The following TRIO variants were observed in gnomAD, a reference collection of about 807,000 sequenced individuals.
The protein encoded by TRIO is trio Rho guanine nucleotide exchange factor.
Under a neutral mutation model 351.9 loss-of-function variants are expected in TRIO, and 58 were observed. That is an observed-to-expected ratio of 0.16 (90% confidence interval 0.13 to 0.21). The LOEUF is 0.21. Among genes scored for constraint, TRIO ranks in the 10% least tolerant of loss-of-function variants. The probability of loss-of-function intolerance (pLI) is 1.00; values close to 1 mark genes in which losing one functional copy is unlikely to be tolerated. For synonymous variants in TRIO, 1,758 were observed against 1,595.7 expected, an observed-to-expected ratio of 1.10 and a Z score of -2.42; for missense variants, 3,201 against 4,027.8, an observed-to-expected ratio of 0.79 and a Z score of 5.56.
intron 1 of TRIO, among the ~76,000 whole-genome samples, chr5:14,257,283 T>C (rs982460007): frequency 3.9e-5 from 6 of 152,216 alleles, no homozygotes; most frequent in Non-Finnish European, 1.5e-5. Flanking sequence ...CAAAGCGTTG[T>C]GATAGCATTC....
chr5:14,340,047 GTTC>G (rs1258379396), intron 11 of TRIO, among the ~76,000 whole-genome samples: 1 of 152,206 alleles, frequency 6.6e-6, no homozygotes, highest in Non-Finnish European at 1.5e-5. Flanking sequence ...GTCTGAGTCT[GTTC>G]TTCTTAAGCA....
chr5:14,496,928 A>G lies in TRIO; in HGVS notation c.7930A>G (p.Lys2644Glu). The change falls in exon 50 of 57, where the codon AAA becomes GAA. Residue 2644 changes from lysine (K) to glutamate (E), a missense_variant. Transcript: ENST00000344204. ...TALRLRKKSE[K>E]KDKDGKREGK... ...ACTCCGTTTAAGGAAAAAATCTGAG[A>G]AAAAAGATAAAGACGGCAAAAGGGA... 6.2e-7 allele frequency: 1 copy of G among 1,614,218 alleles called. No individual in the cohort carries two copies.
chr5:14,421,522 T>C (rs975107807), intron 34 of TRIO, among the ~76,000 whole-genome samples: 2 of 149,474 alleles, frequency 1.3e-5, no homozygotes, highest in African/African-American at 5.0e-5. Context: ...GAAAATCGCT[T>C]GGACCCAGGA....
In TRIO at chr5:14,390,880, CTTTTTTT is replaced by C; in HGVS notation, c.4129-16_4129-10del. The C allele has an allele frequency of 8.3e-7, 1 of 1,203,914 alleles. No individual in the cohort carries two copies. The highest frequency in any genetic ancestry group is 1.1e-6 in the Non-Finnish European group (1 of 875,436). 74.6% of individuals were successfully genotyped at this position (1,203,914 alleles called of 1,614,324 possible). On this transcript the variant is annotated splice_polypyrimidine_tract_variant and intron_variant, in intron 26 of 56. Coordinates refer to ENST00000344204, the MANE Select transcript of TRIO (RefSeq NM_007118.4). ...TGACTTGTTATGATTTAAATGAGAT[CTTTTTTT>C]TTTTGGCTTACAGGCAGACAAGTTT...
In TRIO at chr5:14,481,189, G is replaced by A. The variant is rs986482977; in HGVS notation, c.6337-45G>A. On this transcript the variant is annotated intron_variant, in intron 43 of 56. Transcript: ENST00000344204. ...AAAAAAAAATAAAAGGTCAGCTGCT[G>A]TTGTCTTTGTCACCATTATCATGTC... The A allele has an allele frequency of 3.8e-6, 6 of 1,578,848 alleles. No individual in the cohort carries two copies. In the African/African-American group the frequency reaches 4.1e-5, roughly 11 times the overall value.
intron 2 of TRIO, among the ~76,000 whole-genome samples, chr5:14,274,058 A>G (rs1258643164): frequency 6.6e-6 from 1 of 152,204 alleles, no homozygotes; most frequent in East Asian, 1.9e-4. Context: ...TGTAAATGTT[A>G]TAAAAAACCG....
chr5:14,508,846 C>A lies in TRIO; in HGVS notation c.*424C>A. On this transcript the variant is annotated 3_prime_UTR_variant, in exon 57 of 57. Coordinates refer to ENST00000344204, the MANE Select transcript of TRIO (RefSeq NM_007118.4). ...GACGCACCTAGGTGGCGGCCACTCC[C>A]ATGGCCTTGTCTAGGACTCAGAGAC... The A allele has an allele frequency of 5.7e-6, 1 of 176,658 alleles. No individual in the cohort carries two copies. The allele number at this position is 176,658 out of a possible 1,614,324, so 10.9% of individuals were successfully genotyped here. A position where few individuals can be genotyped will look rare whatever the true frequency, so the allele number is the denominator to read the frequency against.
At chr5:14,366,446 G>A (rs1336437218) in intron 15 of TRIO, among the ~76,000 whole-genome samples, 2 of 152,112 alleles carry the variant, frequency 1.3e-5, no homozygotes, top group Non-Finnish European at 2.9e-5. Context: ...AAATAAATTA[G>A]TTCCCCCTTT....
chr5:14,358,214 C>G lies in TRIO; in HGVS notation c.2083C>G (p.Leu695Val). 1 of 1,613,904 alleles carries G rather than the reference C, an allele frequency of 6.2e-7. No individual in the cohort carries two copies. The highest frequency in any genetic ancestry group is 8.5e-7 in the Non-Finnish European group (1 of 1,179,796). ...GCTGGAGGAGCTGCAGAAGGAGCTG[C>G]TGGACGACGTGTATGCCGAGTCGGT... ...TWLEELQKEL[L>V]DDVYAESVEA... Residue 695 changes from leucine (L) to valine (V), a missense_variant, in exon 12 of 57, where the codon CTG becomes GTG. Leu to Val is a conservative substitution (Grantham distance 32). Around this residue, in one of 19 missense-constraint regions of TRIO, gnomAD observed 363 missense variants for 553.5 expected, o/e 0.66. Coordinates refer to ENST00000344204, the MANE Select transcript of TRIO (RefSeq NM_007118.4).
chr5:14,420,088 C>T (rs113265968), intron 34 of TRIO, 67 bp downstream of exon 34: 36 of 1,566,516 alleles, frequency 2.3e-5, no homozygotes, highest in African/African-American at 1.2e-4. Flanking sequence ...TCTGTCTCCG[C>T]GCCTCTCCTG....
At position 14,369,614 on chromosome 5, in the gene TRIO, G is replaced by A. The variant is rs916317219; in HGVS notation, c.3216+91G>A. The A allele has an allele frequency of 2.8e-6, 4 of 1,440,146 alleles. No individual in the cohort carries two copies. In the East Asian group the frequency reaches 7.4e-5, roughly 27 times the overall value. 89.2% of individuals were successfully genotyped at this position (1,440,146 alleles called of 1,614,324 possible). A position where few individuals can be genotyped will look rare whatever the true frequency, so the allele number is the denominator to read the frequency against. On this transcript the variant is annotated intron_variant, in intron 18 of 56. Transcript: ENST00000344204. ...CAGTCATCGCTTCCCAAGGGAGCCT[G>A]CCCCACACCTCTTGCCTGCTGTGGA...
intron 8 of TRIO, among the ~76,000 whole-genome samples, chr5:14,308,086 T>C (rs1738532164): frequency 1.3e-5 from 2 of 152,174 alleles, no homozygotes; most frequent in African/African-American, 4.8e-5. Context: ...TCTCACTAAG[T>C]GGGATGGTTC....
At position 14,487,501 on chromosome 5, in the gene TRIO, C is replaced by A. The variant is rs1457273476; in HGVS notation, c.6873C>A (p.Ser2291Arg). 2.9e-5 allele frequency: 29 copies of A among 1,014,254 alleles called. No homozygotes were observed. The highest frequency in any genetic ancestry group is 3.5e-5 in the Non-Finnish European group (29 of 818,742). The allele number at this position is 1,014,254 out of a possible 1,614,324, so 62.8% of individuals were successfully genotyped here. Reference protein sequence around the residue: ...TSPIEYQRNHSGGGGGGGSGG... With the variant: ...TSPIEYQRNHRGGGGGGGSGG... ...CAATCGAGTACCAGAGGAACCACAGCGGGGGCGGCGGCGGCGGCGGCAGCG... is the reference window on the plus strand; with the variant it reads ...CAATCGAGTACCAGAGGAACCACAGAGGGGGCGGCGGCGGCGGCGGCAGCG... Residue 2291 changes from serine to arginine, a missense_variant, in exon 48 of 57, where the codon AGC (serine) becomes AGA (arginine). Physicochemically the swap from Ser to Arg is moderately radical, Grantham distance 110. Coordinates refer to ENST00000344204, the MANE Select transcript of TRIO (RefSeq NM_007118.4).
intron 34 of TRIO, 32 bp downstream of exon 34, chr5:14,420,053 C>T: frequency 1.2e-6 from 2 of 1,600,464 alleles, no homozygotes; most frequent in Non-Finnish European, 1.7e-6. Flanking sequence ...GTGGCAGACC[C>T]CTACTGGAAG....
intron 53 of TRIO, 49 bp downstream of exon 53, chr5:14,498,689 T>C (rs762900993): frequency 3.6e-5 from 58 of 1,595,622 alleles, no homozygotes; most frequent in Non-Finnish European, 4.4e-5. Flanking sequence ...GGGCACGTCT[T>C]TCAGGAGTCT....
chr5:14,466,954 A>G (rs1754306742), intron 37 of TRIO, among the ~76,000 whole-genome samples: 1 of 152,196 alleles, frequency 6.6e-6, no homozygotes, highest in African/African-American at 2.4e-5. Context: ...GCGCTGTTCT[A>G]AGTGCTGAGC....
chr5:14,368,235 A>G (rs1212099760), intron 16 of TRIO, among the ~76,000 whole-genome samples: 2 of 152,206 alleles, frequency 1.3e-5, no homozygotes, highest in Non-Finnish European at 2.9e-5. Flanking sequence ...TTTCCTTTTT[A>G]AAATCAATAG....
intron 40 of TRIO, among the ~76,000 whole-genome samples, chr5:14,475,839 A>G (rs901186669): frequency 1.4e-5 from 2 of 147,360 alleles, no homozygotes; most frequent in Non-Finnish European, 3.0e-5. Flanking sequence ...CGCAGCGGGG[A>G]TAGTAAACCC....
In TRIO at chr5:14,487,702, G is replaced by A; in HGVS notation, c.7074G>A (p.Ser2358=). 4 of 1,436,904 alleles carry A rather than the reference G, an allele frequency of 2.8e-6. No individual in the cohort carries two copies. Among genetic ancestry groups the A allele is most frequent in the South Asian group, 2.8e-5 (2 of 71,190 alleles). 89.0% of individuals were successfully genotyped at this position (1,436,904 alleles called of 1,614,324 possible). Residue 2358 remains serine (S), a synonymous_variant, in exon 48 of 57, where the codon TCG becomes TCA. Transcript: ENST00000344204. ...CCGTGCTGGTCTCCTCTGCAGCCTC[G>A]AGCCAGGCAGAGGCAGACAAGATGT... ...HPPVLVSSAA[S]SQAEADKMSG...
Sources: allele counts gnomAD v4.1 joint callset (sites outside exome capture counted in the v4.1 genomes callset), GRCh38; gene constraint gnomAD v4.1.1; regional missense constraint gnomAD v4.1.1; transcripts MANE v1.5; gene names NCBI Gene and HGNC (gene_info 2026-07-23, HGNC 2026-07-21).